The following RHBDF2 variants were observed in gnomAD, a reference collection of about 807,000 sequenced individuals.
The protein encoded by RHBDF2 is rhomboid 5 homolog 2, also known as inactive rhomboid protein 2.
A neutral mutation model predicts 95.2 loss-of-function variants in RHBDF2; 38 were observed. The ratio of observed to expected loss-of-function variants is 0.40; its 90% confidence interval spans 0.31 to 0.52. The LOEUF is 0.52. Among genes scored for constraint, RHBDF2 ranks in the 20% least tolerant of loss-of-function variants. The pLI, the probability that RHBDF2 is intolerant of heterozygous loss-of-function variation, is 0.56. For synonymous variants in RHBDF2, 442 were observed against 462.0 expected (o/e 0.96, Z 0.55); for missense variants, 863 against 1,137.7 (o/e 0.76, Z 3.47).
rs774891294 is a variant in RHBDF2 at position 76,481,493 on chromosome 17, A to C, written c.32T>G (p.Val11Gly). 14 of 1,605,132 alleles carry C rather than the reference A, an allele frequency of 8.7e-6. No homozygotes were observed. The highest frequency in any genetic ancestry group is 3.4e-4 in the Middle Eastern group (2 of 5,874). ...CAGGCGGCTGCTGGACACAGAGGAC[A>C]CGCTCCCGCCATTCTTGTCAGCAGA... Reference protein sequence around the residue: MASADKNGGSVSSVSSSRLQS... With the variant: MASADKNGGSGSSVSSSRLQS... Residue 11 changes from valine to glycine, a missense_variant, in exon 3 of 19, where the codon GTG (valine) becomes GGG (glycine). Physicochemically the swap from Val to Gly is moderately radical, Grantham distance 109. Coordinates refer to ENST00000675367, the MANE Select transcript of RHBDF2 (RefSeq NM_001005498.4).
chr17:76,495,317 C>T (rs769684585), intron 1 of RHBDF2, among the ~76,000 whole-genome samples: 2 of 152,196 alleles, frequency 1.3e-5, no homozygotes, highest in Non-Finnish European at 2.9e-5. Flanking sequence ...GTCCCATGTA[C>T]ACAGACAGGG....
intron 2 of RHBDF2, among the ~76,000 whole-genome samples, chr17:76,482,137 A>G (rs1368137839): frequency 6.6e-6 from 1 of 151,998 alleles, no homozygotes. Context: ...GAGGTCCTCA[A>G]CTTACTACCT....
intron 1 of RHBDF2, among the ~76,000 whole-genome samples, chr17:76,497,809 C>T (rs2074465149): frequency 1.3e-5 from 2 of 152,248 alleles, no homozygotes; most frequent in African/African-American, 4.8e-5. Context: ...CTGTGCCCAG[C>T]AGCCCCTGGA....
rs372953205 is a variant in RHBDF2 at position 76,479,231 on chromosome 17, G to T, written c.319C>A (p.Arg107=). Residue 107 remains arginine, a synonymous_variant, in exon 5 of 19, where the codon CGG becomes AGG. Coordinates refer to ENST00000675367, the MANE Select transcript of RHBDF2 (RefSeq NM_001005498.4). Reference sequence around the variant, plus strand: ...AGGCTGCGGCGCTGCCACTGCTGCCGCTGCCCCTCCCAGTCGCCGCTGACT... The same window carrying T: ...AGGCTGCGGCGCTGCCACTGCTGCCTCTGCCCCTCCCAGTCGCCGCTGACT... ...FGVSGDWEGQ[R]QQWQRRSLHH... is the part of the protein sequence containing the mutation. 11 of 1,608,930 alleles carry T rather than the reference G, an allele frequency of 6.8e-6. No individual in the cohort carries two copies. Among genetic ancestry groups the T allele is most frequent in the African/African-American group, 2.7e-5 (2 of 74,916 alleles).
intron 2 of RHBDF2, among the ~76,000 whole-genome samples, chr17:76,483,920 C>T (rs1038650172): frequency 6.6e-6 from 1 of 152,194 alleles, no homozygotes; most frequent in African/African-American, 2.4e-5. Context: ...CTGTTTCATT[C>T]TCTTCGTTTC....
At chr17:76,491,432 T>TGGG (rs397781877) in intron 1 of RHBDF2, among the ~76,000 whole-genome samples, 4 of 147,002 alleles carry the variant, frequency 2.7e-5, no homozygotes, top group Admixed American at 6.8e-5. Context: ...GGCAATCAGT[T>TGGG]GGGGGGGGGT....
chr17:76,474,097 G>T lies in RHBDF2; in HGVS notation c.1510C>A (p.Pro504Thr). The change falls in exon 13 of 19, where the codon CCC becomes ACC. Residue 504 changes from proline to threonine, a missense_variant. Transcript: ENST00000675367. Reference sequence around the variant, plus strand: ...TGGCCCAGATCAGACTTGTCCATGGGGGGCCCAGTGTCATCCTGCCACTTG... The same window carrying T: ...TGGCCCAGATCAGACTTGTCCATGGTGGGCCCAGTGTCATCCTGCCACTTG... ...FVKWQDDTGP[P>T]MDKSDLGQKR... The T allele has an allele frequency of 6.2e-7, 1 of 1,607,422 alleles. No homozygotes were observed. The highest frequency in any genetic ancestry group is 8.5e-7 in the Non-Finnish European group (1 of 1,177,622).
At chr17:76,482,624 T>C (rs937507555) in intron 2 of RHBDF2, among the ~76,000 whole-genome samples, 25 of 151,990 alleles carry the variant, frequency 1.6e-4, no homozygotes, top group African/African-American at 5.6e-4. Flanking sequence ...AAATACAAAA[T>C]TAGCCAGGTG....
At chr17:76,475,592 T>A (rs917892641) in intron 9 of RHBDF2, among the ~76,000 whole-genome samples, 1 of 151,856 alleles carries the variant, frequency 6.6e-6, no homozygotes, top group African/African-American at 2.4e-5. Context: ...CTTTTCTTTT[T>A]TTTTTTTTGA....
In RHBDF2 at chr17:76,474,539, G is replaced by A. The variant is rs2073702534; in HGVS notation, c.1303-5C>T. 6.2e-7 allele frequency: 1 copy of A among 1,614,098 alleles called. No individual in the cohort carries two copies. The highest frequency in any genetic ancestry group is 8.5e-7 in the Non-Finnish European group (1 of 1,179,976). On this transcript the variant is annotated splice_polypyrimidine_tract_variant and splice_region_variant and intron_variant, in intron 11 of 18. Coordinates refer to ENST00000675367, the MANE Select transcript of RHBDF2 (RefSeq NM_001005498.4). ...CCCCAGGTGGATCAGGTCAATCTGG[G>A]GAAGGGAAAGGGAGGGGAGAGAGTG...
chr17:76,492,487 C>G (rs1454772588), intron 1 of RHBDF2, among the ~76,000 whole-genome samples: 1 of 152,188 alleles, frequency 6.6e-6, no homozygotes, highest in Non-Finnish European at 1.5e-5. Flanking sequence ...TAAGCAAGGC[C>G]ACCCCCAGGG....
chr17:76,474,722 G>A lies in RHBDF2; in HGVS notation c.1302+8C>T, dbSNP rs886053473. The A allele has an allele frequency of 6.2e-7, 1 of 1,614,186 alleles. No individual in the cohort carries two copies. ...GCTCAGATGATGTCCCCCAGCCTGG[G>A]CCCTCACCGAGCTGGGGCCAACCCA... On this transcript the variant is annotated splice_region_variant and intron_variant, in intron 11 of 18. Transcript: ENST00000675367.
chr17:76,498,964 G>A (rs1224711781), intron 1 of RHBDF2, among the ~76,000 whole-genome samples: 2 of 151,948 alleles, frequency 1.3e-5, no homozygotes, highest in Admixed American at 1.3e-4. Flanking sequence ...GGGGCCTGAG[G>A]GTGGGCAACT....
chr17:76,492,747 G>A (rs2074335314), intron 1 of RHBDF2, among the ~76,000 whole-genome samples: 1 of 152,190 alleles, frequency 6.6e-6, no homozygotes, highest in Non-Finnish European at 1.5e-5. Context: ...GGGCTCTATG[G>A]GCTTTATGGG....
chr17:76,472,356 C>G (rs2073605803), intron 18 of RHBDF2, among the ~76,000 whole-genome samples: 1 of 152,210 alleles, frequency 6.6e-6, no homozygotes, highest in Non-Finnish European at 1.5e-5. Context: ...CAAACTAGAT[C>G]AGTCAGGTGG....
Position 76,477,306 on chromosome 17 carries a change from G to C in RHBDF2, c.802-8C>G, listed in dbSNP as rs182556773. On this transcript the variant is annotated splice_polypyrimidine_tract_variant and splice_region_variant and intron_variant, in intron 7 of 18. Coordinates refer to ENST00000675367, the MANE Select transcript of RHBDF2 (RefSeq NM_001005498.4). The stretch of plus-strand genomic sequence containing the variant: ...CATGGAGCTCATTTCTTCCTGGGGT[G>C]GGGGACAAGAAAATACAGTGTAAGG... 243 of 1,610,570 alleles carry C rather than the reference G, an allele frequency of 1.5e-4. No individual in the cohort carries two copies. The African/African-American group carries it at 2.9e-3, about 19-fold the overall frequency.
At chr17:76,489,569 T>C (rs1190084878) in intron 1 of RHBDF2, among the ~76,000 whole-genome samples, 2 of 152,166 alleles carry the variant, frequency 1.3e-5, no homozygotes, top group South Asian at 2.1e-4. Context: ...GTGATCCGCC[T>C]GCCTCGGCCT....
chr17:76,497,926 C>T (rs1193893683), intron 1 of RHBDF2, among the ~76,000 whole-genome samples: 7 of 152,074 alleles, frequency 4.6e-5, no homozygotes, highest in Non-Finnish European at 1.0e-4. Context: ...CCTGCACTGC[C>T]CACTTGGCTG....
rs143244688 is a variant in RHBDF2, at chr17:76,487,853, TG to T, written c.-164del. The T allele has an allele frequency of 6.1e-3, 927 of 152,474 alleles. 11 individuals are homozygous for T. Among genetic ancestry groups the T allele is most frequent in the African/African-American group, 0.02 (825 of 41,544 alleles). The allele number at this position is 152,474 out of a possible 1,614,324, so 9.4% of individuals were successfully genotyped here. ...AAGGGTGGCTGGACAGACAGGTGGC[TG>T]GAAGGACAGATAGACAGCTCCAGGC... On this transcript the variant is annotated 5_prime_UTR_variant, in exon 2 of 19. Coordinates refer to ENST00000675367, the MANE Select transcript of RHBDF2 (RefSeq NM_001005498.4).
Sources: gnomAD v4.1 joint callset for allele counts (sites outside exome capture counted in the v4.1 genomes callset) on GRCh38, gnomAD v4.1.1 for gene constraint, MANE v1.5 for transcripts, NCBI Gene and HGNC (gene_info 2026-07-23, HGNC 2026-07-21) for gene names.